TLL1: variants seen among roughly 807,000 people sequenced by gnomAD.
TLL1 encodes tolloid like 1, also known as tolloid-like protein 1.
A neutral mutation model predicts 128.2 loss-of-function variants in TLL1; 49 were observed. The ratio of observed to expected loss-of-function variants is 0.38; its 90% confidence interval spans 0.30 to 0.48. The LOEUF (loss-of-function observed/expected upper bound fraction) is 0.48, where lower values mean the gene tolerates loss of function less well. Ranked by LOEUF, TLL1 falls within the 20% of genes least tolerant of loss-of-function variation. TLL1 has a pLI of 0.96. For missense variants in TLL1, 1,123 were observed against 1,242.0 expected (o/e 0.90, Z 1.44); for synonymous variants, 454 against 418.8 (o/e 1.08, Z -1.03).
intron 14 of TLL1, among the ~76,000 whole-genome samples, chr4:166,057,726 G>A (rs898737248): frequency 2.6e-5 from 4 of 152,160 alleles, no homozygotes; most frequent in Non-Finnish European, 4.4e-5. Flanking sequence ...AAGGCACGTC[G>A]TATATGGCAG....
Position 166,060,118 on chromosome 4 carries a change from G to A in TLL1, c.1937G>A (p.Trp646Ter). 1.9e-6 allele frequency: 3 copies of A among 1,613,772 alleles called. No homozygotes were observed. The highest frequency in any genetic ancestry group is 2.5e-6 in the Non-Finnish European group (3 of 1,179,882). The stretch of plus-strand genomic sequence containing the variant: ...TACCCTCCTAATAAGAACTGTGTGT[G>A]GCAAGTGGTTGCACCAACCCAGTAC... ...KEYPPNKNCV[W>*]QVVAPTQYRI... The change falls in exon 15 of 21, where the codon TGG (tryptophan) becomes TAG (stop). Residue 646 changes from tryptophan (W) to a stop codon, truncating the protein, a stop_gained. Coordinates refer to ENST00000061240, the MANE Select transcript of TLL1 (RefSeq NM_012464.5). LOFTEE classifies it high-confidence loss of function.
chr4:166,098,334 C>CAAAAAAA (rs3047106), intron 19 of TLL1, among the ~76,000 whole-genome samples: 1 of 110,390 alleles, frequency 9.1e-6, no homozygotes. Flanking sequence ...GAGTTCTTCT[C>CAAAAAAA]AAAAAAAAAA....
At chr4:165,882,622 C>T (rs963999342) in intron 1 of TLL1, among the ~76,000 whole-genome samples, 1 of 151,982 alleles carries the variant, frequency 6.6e-6, no homozygotes, top group Non-Finnish European at 1.5e-5. Context: ...CTTTATGTTT[C>T]TTTCAATTTT....
At position 166,099,542 on chromosome 4, in the gene TLL1, A is replaced by G. The variant is rs991980598; in HGVS notation, c.2907+15A>G. 2.5e-6 allele frequency: 4 copies of G among 1,613,188 alleles called. No individual in the cohort carries two copies. Among genetic ancestry groups the G allele is most frequent in the Non-Finnish European group, 3.4e-6 (4 of 1,179,512 alleles). ...GTGGATCCGGGGTAAATATACCACC[A>G]ACAGAATACCCTAGACATGATTAAA... On this transcript the variant is annotated intron_variant, in intron 20 of 20. Transcript: ENST00000061240.
chr4:165,898,806 C>A (rs976423656), intron 1 of TLL1, among the ~76,000 whole-genome samples: 2 of 152,150 alleles, frequency 1.3e-5, no homozygotes, highest in African/African-American at 4.8e-5. Context: ...AGGAATGGTA[C>A]CAGCTCCTCT....
chr4:166,066,387 A>G (rs1324719877), intron 16 of TLL1, among the ~76,000 whole-genome samples: 2 of 151,808 alleles, frequency 1.3e-5, no homozygotes, highest in African/African-American at 4.8e-5. Flanking sequence ...TCCTTCTTAA[A>G]GAGCTGAAAT....
At chr4:166,028,066 AT>A (rs1738588847) in intron 9 of TLL1, among the ~76,000 whole-genome samples, 1 of 151,576 alleles carries the variant, frequency 6.6e-6, no homozygotes, top group Non-Finnish European at 1.5e-5. Context: ...TTATTTTCTT[AT>A]TTTCTTTCTC....
intron 1 of TLL1, among the ~76,000 whole-genome samples, chr4:165,906,788 A>G (rs1732277339): frequency 6.8e-6 from 1 of 147,164 alleles, no homozygotes; most frequent in Non-Finnish European, 1.5e-5. Flanking sequence ...ATTTTATAGG[A>G]TAGTAGACTA....
intron 1 of TLL1, among the ~76,000 whole-genome samples, chr4:165,900,329 T>A (rs1470372830): frequency 6.6e-6 from 1 of 152,182 alleles, no homozygotes; most frequent in East Asian, 1.9e-4. Context: ...CTTCATAGCG[T>A]CAATGGTCTT....
rs1272258451 is a variant in TLL1, at chr4:166,083,263, C to G, written c.2442+5233C>G. Among the ~76,000 whole-genome samples, 10 of 76,254 alleles carry G rather than the reference C, an allele frequency of 1.3e-4. 2 individuals are homozygous for G. The highest frequency in any genetic ancestry group is 3.0e-4 in the African/African-American group (10 of 33,426). The allele number at this position is 76,254 out of a possible 152,430, so 50.0% of individuals were successfully genotyped here. A position where few individuals can be genotyped will look rare whatever the true frequency, so the allele number is the denominator to read the frequency against. On this transcript the variant is annotated intron_variant, in intron 18 of 20. Transcript: ENST00000061240. ...TTTTTTTCTTTTTTAAATTTATGTT[C>G]TCATTGACAGATAAAATTGCATGTA...
intron 1 of TLL1, among the ~76,000 whole-genome samples, chr4:165,896,905 A>G (rs1731709038): frequency 1.3e-5 from 2 of 152,154 alleles, no homozygotes; most frequent in Non-Finnish European, 2.9e-5. Context: ...CATCCTCTCC[A>G]GCATCTGTTG....
intron 1 of TLL1, among the ~76,000 whole-genome samples, chr4:165,982,936 T>G (rs1002630804): frequency 4.0e-5 from 6 of 151,884 alleles, no homozygotes; most frequent in Non-Finnish European, 7.4e-5. Context: ...TGCCCTGTCC[T>G]TACAAAATAT....
chr4:166,085,518 T>C (rs1046990371), intron 18 of TLL1, among the ~76,000 whole-genome samples: 2 of 152,068 alleles, frequency 1.3e-5, no homozygotes, highest in African/African-American at 4.8e-5. Context: ...GCCAAATGCT[T>C]TTTTCTATTA....
intron 7 of TLL1, among the ~76,000 whole-genome samples, chr4:166,013,496 T>C (rs1300976913): frequency 6.6e-6 from 1 of 151,720 alleles, no homozygotes; most frequent in Non-Finnish European, 1.5e-5. Flanking sequence ...ATTTAAAAGA[T>C]ATTATAAAAT....
At chr4:165,921,456 C>T (rs1398525965) in intron 1 of TLL1, among the ~76,000 whole-genome samples, 1 of 152,198 alleles carries the variant, frequency 6.6e-6, no homozygotes, top group Non-Finnish European at 1.5e-5. Flanking sequence ...AGTTCCCCGT[C>T]TCCCTTTCTT....
At position 165,884,592 on chromosome 4, in the gene TLL1, T is replaced by C. The variant is rs1731093222; in HGVS notation, c.169+10519T>C. Reference sequence around the variant, plus strand: ...GGCTCATGCCTGTAATCCCAACACTTTGGGAGGCTGAGACAGGTGGATCAC... The same window carrying C: ...GGCTCATGCCTGTAATCCCAACACTCTGGGAGGCTGAGACAGGTGGATCAC... On this transcript the variant is annotated intron_variant, in intron 1 of 20. Coordinates refer to ENST00000061240, the MANE Select transcript of TLL1 (RefSeq NM_012464.5). 2.6e-5 allele frequency among the ~76,000 whole-genome samples: 4 copies of C among 152,266 alleles called. No individual in the cohort carries two copies. The South Asian group carries it at 6.2e-4, about 24-fold the overall frequency.
At chr4:166,007,209 A>C (rs970289117) in intron 6 of TLL1, among the ~76,000 whole-genome samples, 2 of 151,698 alleles carry the variant, frequency 1.3e-5, no homozygotes, top group Non-Finnish European at 3.0e-5. Flanking sequence ...GTTCTTTTCA[A>C]ATTTCGAGAA....
At chr4:165,972,139 T>C (rs1735657884) in intron 1 of TLL1, among the ~76,000 whole-genome samples, 1 of 152,202 alleles carries the variant, frequency 6.6e-6, no homozygotes, top group African/African-American at 2.4e-5. Context: ...ATCATACTTA[T>C]ATATTTTATG....
chr4:165,962,900 C>T (rs930723128), intron 1 of TLL1, among the ~76,000 whole-genome samples: 2 of 150,674 alleles, frequency 1.3e-5, no homozygotes, highest in Admixed American at 1.3e-4. Context: ...CCTAAAAGTA[C>T]AAAAATTAGC....
Sources: allele counts gnomAD v4.1 joint callset (sites outside exome capture counted in the v4.1 genomes callset), GRCh38; gene constraint gnomAD v4.1.1; transcripts MANE v1.5; gene names NCBI Gene and HGNC (gene_info 2026-07-23, HGNC 2026-07-21).